CNTN4: variants seen among roughly 807,000 people sequenced by gnomAD.
CNTN4 encodes contactin 4, also known as contactin-4.
A neutral mutation model predicts 122.5 loss-of-function variants in CNTN4; 77 were observed. The ratio of observed to expected loss-of-function variants is 0.63; its 90% confidence interval spans 0.52 to 0.76. The LOEUF (loss-of-function observed/expected upper bound fraction) is 0.76, where lower values mean the gene tolerates loss of function less well. Among genes scored for constraint, CNTN4 ranks in the 30% least tolerant of loss-of-function variants. The pLI is 0.00. For synonymous variants in CNTN4, 512 were observed against 447.0 expected, an observed-to-expected ratio of 1.15 and a Z score of -1.83; for missense variants, 1,256 against 1,259.1, an observed-to-expected ratio of 1.00 and a Z score of 0.04.
At chr3:2,630,054 A>G (rs559871792) in intron 4 of CNTN4, among the ~76,000 whole-genome samples, 18 of 152,314 alleles carry the variant, frequency 1.2e-4, no homozygotes, top group African/African-American at 4.1e-4. Context: ...ACACACAACC[A>G]TATTCATTGG....
intron 2 of CNTN4, among the ~76,000 whole-genome samples, chr3:2,312,146 C>G (rs911350685): frequency 1.3e-5 from 2 of 151,610 alleles, no homozygotes; most frequent in Admixed American, 6.6e-5. Flanking sequence ...GACCTTGTCT[C>G]TACAAAAAAT....
At chr3:2,207,569 G>A (rs2038415958) in intron 2 of CNTN4, among the ~76,000 whole-genome samples, 1 of 152,046 alleles carries the variant, frequency 6.6e-6, no homozygotes, top group Admixed American at 6.6e-5. Context: ...TCCAGAGCCA[G>A]GAACGAAGTG....
intron 3 of CNTN4, among the ~76,000 whole-genome samples, chr3:2,476,802 A>T (rs1039141673): frequency 3.3e-5 from 5 of 152,222 alleles, no homozygotes; most frequent in Non-Finnish European, 7.3e-5. Context: ...GTGAATTTTT[A>T]TACTCTGTAA....
intron 3 of CNTN4, among the ~76,000 whole-genome samples, chr3:2,431,063 C>G (rs949251568): frequency 6.6e-5 from 10 of 152,070 alleles, no homozygotes; most frequent in African/African-American, 2.2e-4. Flanking sequence ...GTCTAAGACT[C>G]TATCATTTAA....
chr3:2,411,663 C>A (rs1423022396), intron 3 of CNTN4, among the ~76,000 whole-genome samples: 3 of 152,134 alleles, frequency 2.0e-5, no homozygotes, highest in Non-Finnish European at 4.4e-5. Flanking sequence ...TTCCTCCCTC[C>A]TGCTCTTTCT....
chr3:2,657,958 G>C (rs962408680), intron 4 of CNTN4, among the ~76,000 whole-genome samples: 1 of 150,526 alleles, frequency 6.6e-6, no homozygotes, highest in Admixed American at 6.7e-5. Context: ...AATGTATCAG[G>C]TGGTAACTGA....
intron 14 of CNTN4, among the ~76,000 whole-genome samples, chr3:3,005,099 C>A (rs1696486321): frequency 1.3e-5 from 2 of 152,210 alleles, no homozygotes; most frequent in African/African-American, 4.8e-5. Flanking sequence ...GGTAGCCCTT[C>A]TTCAGTTCTT....
chr3:3,016,286 A>AT (rs970232863), intron 14 of CNTN4, among the ~76,000 whole-genome samples: 5 of 152,186 alleles, frequency 3.3e-5, no homozygotes, highest in South Asian at 2.1e-4. Context: ...CAAAAAGAAA[A>AT]TGTGAGAGGG....
chr3:2,749,696 A>G (rs2089993837), intron 6 of CNTN4, among the ~76,000 whole-genome samples: 1 of 152,164 alleles, frequency 6.6e-6, no homozygotes, highest in South Asian at 2.1e-4. Context: ...ATGTATTTTT[A>G]TATACCCAAA....
intron 14 of CNTN4, among the ~76,000 whole-genome samples, chr3:2,990,705 A>T (rs1694977152): frequency 6.6e-6 from 1 of 152,208 alleles, no homozygotes; most frequent in Admixed American, 6.5e-5. Context: ...TATATCAGGG[A>T]TTAAATACGT....
At chr3:2,383,946 G>T (rs1277541449) in intron 3 of CNTN4, among the ~76,000 whole-genome samples, 1 of 152,128 alleles carries the variant, frequency 6.6e-6, no homozygotes, top group Non-Finnish European at 1.5e-5. Context: ...GAGACCTTCT[G>T]TGTATGTATA....
chr3:3,047,774 G>A (rs958226830), intron 23 of CNTN4, among the ~76,000 whole-genome samples: 1 of 151,096 alleles, frequency 6.6e-6, no homozygotes, highest in Non-Finnish European at 1.5e-5. Context: ...AAATAACTAA[G>A]ATCAGAGCAG....
intron 2 of CNTN4, among the ~76,000 whole-genome samples, chr3:2,105,248 A>G (rs1265732994): frequency 6.6e-6 from 1 of 152,170 alleles, no homozygotes; most frequent in Non-Finnish European, 1.5e-5. Context: ...ACCACATACT[A>G]CTTGAGAATG....
At chr3:2,129,281 AAAAG>A (rs1352170589) in intron 2 of CNTN4, among the ~76,000 whole-genome samples, 17 of 151,742 alleles carry the variant, frequency 1.1e-4, no homozygotes, top group Non-Finnish European at 1.2e-4. Flanking sequence ...AAAAAAAAAA[AAAAG>A]CGCACATCAT....
chr3:2,536,504 T>C (rs375060283), intron 3 of CNTN4, among the ~76,000 whole-genome samples: 3 of 152,092 alleles, frequency 2.0e-5, no homozygotes, highest in South Asian at 2.1e-4. Context: ...GTATATATCA[T>C]AAAAACAGTT....
intron 13 of CNTN4, among the ~76,000 whole-genome samples, chr3:2,981,846 A>G (rs1049680102): frequency 1.3e-5 from 2 of 152,096 alleles, no homozygotes; most frequent in Admixed American, 6.6e-5. Flanking sequence ...GAAGTTTCAG[A>G]CCAGCCTGGC....
chr3:2,874,688 A>G (rs2093823940), intron 8 of CNTN4, among the ~76,000 whole-genome samples: 1 of 152,198 alleles, frequency 6.6e-6, no homozygotes, highest in Non-Finnish European at 1.5e-5. Context: ...AGTGAAGTGT[A>G]CAGGGAAATT....
chr3:3,014,185 T>C (rs1697524094), intron 14 of CNTN4, among the ~76,000 whole-genome samples: 1 of 152,132 alleles, frequency 6.6e-6, no homozygotes, highest in Non-Finnish European at 1.5e-5. Flanking sequence ...TAGCCAAAAA[T>C]CTATTTCTCT....
intron 6 of CNTN4, among the ~76,000 whole-genome samples, chr3:2,803,856 C>T (rs879696333): frequency 2.0e-5 from 3 of 151,832 alleles, no homozygotes; most frequent in South Asian, 2.1e-4. Flanking sequence ...CCACCAAGCC[C>T]GGCAGTAATT....
Sources: gnomAD v4.1 joint callset for allele counts (sites outside exome capture counted in the v4.1 genomes callset) on GRCh38, gnomAD v4.1.1 for gene constraint, MANE v1.5 for transcripts, NCBI Gene and HGNC (gene_info 2026-07-23, HGNC 2026-07-21) for gene names.